SMIM41: variants seen among roughly 807,000 people sequenced by gnomAD.
SMIM41 encodes the protein small integral membrane protein 41.
chr12:52,089,544 T>C (rs766595569), intron 2 of SMIM41, among the ~76,000 whole-genome samples: 4 of 152,058 alleles, frequency 2.6e-5, no homozygotes, highest in Non-Finnish European at 4.4e-5. Flanking sequence ...CAGTGAGCCA[T>C]GATTGTGCCA....
chr12:52,092,416 C>T (rs1940021803), intron 2 of SMIM41: 1 of 152,214 alleles, frequency 6.6e-6, no homozygotes, highest in African/African-American at 2.4e-5. Flanking sequence ...CCAAGGTCCT[C>T]TAGCGCCAAG....
intron 2 of SMIM41, among the ~76,000 whole-genome samples, chr12:52,101,615 G>C (rs962207285): frequency 6.6e-6 from 1 of 152,202 alleles, no homozygotes; most frequent in African/African-American, 2.4e-5. Context: ...AGAATTTCTT[G>C]CATATTTCCA....
chr12:52,082,971 C>A (rs567658617), intron 1 of SMIM41, among the ~76,000 whole-genome samples: 2 of 152,276 alleles, frequency 1.3e-5, no homozygotes, highest in Admixed American at 6.5e-5. Flanking sequence ...CTGGGAGATA[C>A]CTGGCTTGTG....
intron 2 of SMIM41, among the ~76,000 whole-genome samples, chr12:52,086,813 C>T (rs939046538): frequency 2.0e-5 from 3 of 152,250 alleles, no homozygotes; most frequent in Non-Finnish European, 2.9e-5. Context: ...GGCTGCCCCA[C>T]TTCCAGTGTA....
intron 2 of SMIM41, among the ~76,000 whole-genome samples, chr12:52,089,747 C>G (rs1939963411): frequency 6.6e-6 from 1 of 152,246 alleles, no homozygotes; most frequent in African/African-American, 2.4e-5. Context: ...CCAGCTCTGT[C>G]CCATCACATG....
In SMIM41 at chr12:52,107,660, G is replaced by A. The variant is rs1416890973; in HGVS notation, c.*477G>A. The A allele has an allele frequency of 1.7e-5, 9 of 535,584 alleles. No homozygotes were observed. Among genetic ancestry groups the A allele is most frequent in the Non-Finnish European group, 2.2e-5 (6 of 274,894 alleles). The allele number at this position is 535,584 out of a possible 1,614,324, so 33.2% of individuals were successfully genotyped here. ...CTCTCTTTGCCATTTTTGGAGGCAC[G>A]GAAGAGAGACATGCTCCTGAGTGTG... On this transcript the variant is annotated 3_prime_UTR_variant, in exon 3 of 3. Coordinates refer to ENST00000546390, the MANE Select transcript of SMIM41 (RefSeq NM_001369216.1).
chr12:52,081,604 CA>C lies in SMIM41; in HGVS notation c.*120+1424del, dbSNP rs1480717307. Among the ~76,000 whole-genome samples the C allele has an allele frequency of 1.3e-5, 2 of 152,134 alleles. No homozygotes were observed. Among genetic ancestry groups the C allele is most frequent in the Non-Finnish European group, 2.9e-5 (2 of 67,990 alleles). On this transcript the variant is annotated intron_variant, in intron 1 of 2. Transcript: ENST00000546390. The surrounding 1 kb of genome is among the most constrained non-coding windows in gnomAD (Gnocchi z 4.1). ...TGTCTGTTACTGCACCTGGCACAGG[CA>C]GGGGGCTGGGCCCAGGGGACATTCC...
chr12:52,085,092 C>T (rs749367117), intron 2 of SMIM41, among the ~76,000 whole-genome samples: 16 of 152,114 alleles, frequency 1.1e-4, no homozygotes, highest in Non-Finnish European at 2.2e-4. Flanking sequence ...CTTTTTTGGT[C>T]TGAATTTATA....
At chr12:52,100,323 A>G (rs1484263724) in intron 2 of SMIM41, among the ~76,000 whole-genome samples, 3 of 152,082 alleles carry the variant, frequency 2.0e-5, no homozygotes, top group Admixed American at 6.5e-5. Context: ...TTCCTTGGAT[A>G]TTAGACACAA....
intron 2 of SMIM41, among the ~76,000 whole-genome samples, chr12:52,090,590 G>C (rs1939983385): frequency 6.6e-6 from 1 of 152,180 alleles, no homozygotes; most frequent in Non-Finnish European, 1.5e-5. Context: ...ACACAGAGAG[G>C]CTGCAGGTGA....
In SMIM41 at chr12:52,086,596, G is replaced by A. The variant is rs114721826; in HGVS notation, c.*195+2628G>A. ...CTTCTGTGAGTCCTGCCAAGAGGCC[G>A]AGGCTGCAGCCGCACGCCCACGCCC... On this transcript the variant is annotated intron_variant, in intron 2 of 2. Transcript: ENST00000546390. Among the ~76,000 whole-genome samples, 1,335 of 152,302 alleles carry A rather than the reference G, an allele frequency of 8.8e-3. 17 individuals carry two copies. Among genetic ancestry groups the A allele is most frequent in the African/African-American group, 0.031 (1,291 of 41,570 alleles).
At chr12:52,096,814 C>A (rs749649127) in intron 2 of SMIM41, among the ~76,000 whole-genome samples, 1 of 151,642 alleles carries the variant, frequency 6.6e-6, no homozygotes, top group African/African-American at 2.4e-5. Context: ...CGTAATATTG[C>A]GACATTCCTC....
chr12:52,080,981 T>G (rs939068017), intron 1 of SMIM41, among the ~76,000 whole-genome samples: 3 of 151,938 alleles, frequency 2.0e-5, no homozygotes, highest in Non-Finnish European at 4.4e-5. Flanking sequence ...CTGGGGGGCC[T>G]CGGGAGCGCT....
Position 52,107,592 on chromosome 12 carries a change from C to T in SMIM41, c.*409C>T, listed in dbSNP as rs1358729997. The T allele has an allele frequency of 6.0e-6, 4 of 668,342 alleles. No individual in the cohort carries two copies. Among genetic ancestry groups the T allele is most frequent in the South Asian group, 2.8e-5 (2 of 72,680 alleles). The allele number at this position is 668,342 out of a possible 1,614,324, so 41.4% of individuals were successfully genotyped here. On this transcript the variant is annotated 3_prime_UTR_variant, in exon 3 of 3. Transcript: ENST00000546390. ...CCAGATGACTGTGGACATCCAGTCTCGCAGCAGAGTCATCTCCTATGCAGG... is the reference window on the plus strand; with the variant it reads ...CCAGATGACTGTGGACATCCAGTCTTGCAGCAGAGTCATCTCCTATGCAGG...
rs548222955 is a variant in SMIM41 at position 52,101,684 on chromosome 12, T to C, written c.*196-5695T>C. Reference sequence around the variant, plus strand: ...TTATGCTGGTTTTTAAGCTCTTCTCTTTCTGCTCTTGAAATCATGCTGTTT... The same window carrying C: ...TTATGCTGGTTTTTAAGCTCTTCTCCTTCTGCTCTTGAAATCATGCTGTTT... On this transcript the variant is annotated intron_variant, in intron 2 of 2. Coordinates refer to ENST00000546390, the MANE Select transcript of SMIM41 (RefSeq NM_001369216.1). Among the ~76,000 whole-genome samples, 191 of 152,278 alleles carry C rather than the reference T, an allele frequency of 1.3e-3. 1 individual carries two copies. Among genetic ancestry groups the C allele is most frequent in the African/African-American group, 4.2e-3 (176 of 41,564 alleles).
rs564790685 is a variant in SMIM41, at chr12:52,081,966, T to A, written c.*120+1785T>A. The A allele has an allele frequency of 6.6e-6, 1 of 152,290 alleles. No individual in the cohort carries two copies. Among genetic ancestry groups the A allele is most frequent in the Non-Finnish European group, 1.5e-5 (1 of 68,104 alleles). 9.4% of individuals were successfully genotyped at this position (152,290 alleles called of 1,614,324 possible). A position where few individuals can be genotyped will look rare whatever the true frequency, so the allele number is the denominator to read the frequency against. ...ATGCTGGTGCAAAACGCGGCCTCTC[T>A]TCATACATTTGCGAATCAGGGATGG... On this transcript the variant is annotated intron_variant, in intron 1 of 2. Transcript: ENST00000546390. This position sits in a 1 kb window ranked among gnomAD's most constrained non-coding sequence, Gnocchi z 4.1.
Position 52,080,164 on chromosome 12 carries a change from G to A in SMIM41, c.*103G>A, listed in dbSNP as rs1279601078. 3.0e-6 allele frequency: 1 copy of A among 331,424 alleles called. No homozygotes were observed. The highest frequency in any genetic ancestry group is 4.9e-5 in the Admixed American group (1 of 20,504). 20.5% of individuals were successfully genotyped at this position (331,424 alleles called of 1,614,324 possible). On this transcript the variant is annotated 3_prime_UTR_variant, in exon 1 of 3. Coordinates refer to ENST00000546390, the MANE Select transcript of SMIM41 (RefSeq NM_001369216.1). The stretch of plus-strand genomic sequence containing the variant: ...CTGCGGTCCCGACCCCTTACCCGAA[G>A]CGGCGCGCCCCACACAGGTGAGAGG...
chr12:52,106,406 GATCTC>G (rs1342539610), intron 2 of SMIM41, among the ~76,000 whole-genome samples: 1 of 152,132 alleles, frequency 6.6e-6, no homozygotes, highest in African/African-American at 2.4e-5. Context: ...GCAGTGGTGT[GATCTC>G]AGCTCACTGT....
At chr12:52,098,910 T>C (rs531697135) in intron 2 of SMIM41, among the ~76,000 whole-genome samples, 4 of 151,766 alleles carry the variant, frequency 2.6e-5, no homozygotes, top group Non-Finnish European at 2.9e-5. Flanking sequence ...TGTACACCCT[T>C]TGCGATATTG....
Sources: allele counts gnomAD v4.1 joint callset (sites outside exome capture counted in the v4.1 genomes callset), GRCh38; gene constraint gnomAD v4.1.1; non-coding constraint Gnocchi (gnomAD v3.1); transcripts MANE v1.5; gene names NCBI Gene and HGNC (gene_info 2026-07-23, HGNC 2026-07-21).